PRKCE: variants seen among roughly 807,000 people sequenced by gnomAD.
The protein encoded by PRKCE is protein kinase C epsilon type.
PRKCE carries 16 observed loss-of-function variants against 85.4 expected under a neutral mutation model. The observed-to-expected ratio is 0.19, with a 90% CI of 0.13 to 0.28. PRKCE has a LOEUF of 0.28. PRKCE is among the 10% of genes least tolerant of loss of function. The pLI is 1.00. For synonymous variants in PRKCE, 388 were observed against 371.5 expected (o/e 1.04, Z -0.51); for missense variants, 573 against 975.2 (o/e 0.59, Z 5.49).
chr2:46,098,432 GTTA>G (rs1315593861), intron 11 of PRKCE, among the ~76,000 whole-genome samples: 3 of 152,152 alleles, frequency 2.0e-5, no homozygotes, highest in Non-Finnish European at 2.9e-5. Flanking sequence ...ATTAATTAAT[GTTA>G]TTATTATCAT....
At chr2:45,828,112 G>A (rs1443235242) in intron 1 of PRKCE, among the ~76,000 whole-genome samples, 1 of 152,216 alleles carries the variant, frequency 6.6e-6, no homozygotes, top group African/African-American at 2.4e-5. Context: ...CTGCTGTTAT[G>A]ACAGTTTGTT....
At chr2:45,781,730 T>C (rs1686207265) in intron 1 of PRKCE, among the ~76,000 whole-genome samples, 1 of 152,228 alleles carries the variant, frequency 6.6e-6, no homozygotes, top group African/African-American at 2.4e-5. Context: ...ATATTTGCTT[T>C]TCTTTAGGCT....
At chr2:46,123,633 C>G (rs563925039) in intron 11 of PRKCE, among the ~76,000 whole-genome samples, 1 of 152,282 alleles carries the variant, frequency 6.6e-6, no homozygotes, top group East Asian at 1.9e-4. Flanking sequence ...GAACTACAGG[C>G]GTGCACCACC....
At chr2:46,100,507 G>T (rs988811477) in intron 11 of PRKCE, among the ~76,000 whole-genome samples, 2 of 152,208 alleles carry the variant, frequency 1.3e-5, no homozygotes, top group African/African-American at 4.8e-5. Context: ...TTGCTCAGAA[G>T]TCCTAGTCCT....
intron 1 of PRKCE, among the ~76,000 whole-genome samples, chr2:45,722,101 A>G (rs1680674882): frequency 6.6e-6 from 1 of 152,174 alleles, no homozygotes; most frequent in Non-Finnish European, 1.5e-5. Context: ...TTACTTAATT[A>G]AAAAATAAGC....
At position 46,007,485 on chromosome 2, in the gene PRKCE, A is replaced by T; in HGVS notation, c.1087A>T (p.Ile363Phe). ...AGAAATAAAAGAACTTGAGAACAAC[A>T]TTCGGAAAGCCTTGTCATTTGACAA... ...DQEIKELENNIRKALSFDNRG... is the reference protein window; with the variant it reads ...DQEIKELENNFRKALSFDNRG... The change falls in exon 9 of 15, where the codon ATT becomes TTT. Residue 363 changes from isoleucine to phenylalanine, a missense_variant. By Grantham distance (21) the Ile-to-Phe change is conservative. This residue lies in a region of PRKCE where 117 missense variants were observed against 104.8 expected (regional missense o/e 1.12). Transcript: ENST00000306156. 3 of 1,599,812 alleles carry T rather than the reference A, an allele frequency of 1.9e-6. No homozygotes were observed. The highest frequency in any genetic ancestry group is 2.5e-6 in the Non-Finnish European group (3 of 1,179,970).
chr2:45,684,685 T>A (rs938783721), intron 1 of PRKCE, among the ~76,000 whole-genome samples: 1 of 152,202 alleles, frequency 6.6e-6, no homozygotes, highest in African/African-American at 2.4e-5. Flanking sequence ...GGGGGCAAGT[T>A]GGGACTGCAC....
intron 2 of PRKCE, among the ~76,000 whole-genome samples, chr2:45,906,172 C>G (rs1191612934): frequency 2.0e-5 from 3 of 152,246 alleles, no homozygotes. Context: ...TTGCTAAGAC[C>G]TAGGTGAAGA....
intron 10 of PRKCE, among the ~76,000 whole-genome samples, chr2:46,013,212 C>A (rs1705832953): frequency 1.3e-5 from 2 of 152,206 alleles, no homozygotes; most frequent in Admixed American, 1.3e-4. Flanking sequence ...ATGTGACTTT[C>A]CCTATGACAA....
intron 1 of PRKCE, among the ~76,000 whole-genome samples, chr2:45,729,428 A>G (rs1420799208): frequency 6.6e-6 from 1 of 152,104 alleles, no homozygotes; most frequent in African/African-American, 2.4e-5. Flanking sequence ...GCCAGTGTAG[A>G]TGTGATATCA....
intron 10 of PRKCE, among the ~76,000 whole-genome samples, chr2:46,081,892 T>A (rs1222244110): frequency 6.6e-6 from 1 of 152,094 alleles, no homozygotes; most frequent in Non-Finnish European, 1.5e-5. Context: ...AGTCAGGAGT[T>A]TGAGACCAGC....
At chr2:45,691,848 A>G (rs1677753894) in intron 1 of PRKCE, among the ~76,000 whole-genome samples, 1 of 152,192 alleles carries the variant, frequency 6.6e-6, no homozygotes, top group Non-Finnish European at 1.5e-5. Context: ...CTTTGCCAGC[A>G]TTTCCATGAG....
rs1675522139 is a variant in PRKCE, at chr2:46,141,454, C to A, written c.1593-3639C>A. Among the ~76,000 whole-genome samples, 5 of 152,170 alleles carry A rather than the reference C, an allele frequency of 3.3e-5. No homozygotes were observed. The South Asian group carries it at 8.3e-4, about 25-fold the overall frequency. ...TATGTAAAGTATGATCAAGAGAATA[C>A]ACAGGGCATGAATAAAAAGAAATCG... On this transcript the variant is annotated intron_variant, in intron 11 of 14. Transcript: ENST00000306156.
At chr2:45,815,238 A>C (rs1688946591) in intron 1 of PRKCE, among the ~76,000 whole-genome samples, 1 of 152,190 alleles carries the variant, frequency 6.6e-6, no homozygotes, top group African/African-American at 2.4e-5. Flanking sequence ...AGGGTCAAGA[A>C]AATAATTTTT....
At chr2:46,130,021 C>A (rs924678351) in intron 11 of PRKCE, among the ~76,000 whole-genome samples, 1 of 152,132 alleles carries the variant, frequency 6.6e-6, no homozygotes, top group Non-Finnish European at 1.5e-5. Context: ...GTTTAATTAA[C>A]CTCCCTTAGG....
chr2:46,053,954 G>A (rs753810037), intron 10 of PRKCE, among the ~76,000 whole-genome samples: 50 of 152,078 alleles, frequency 3.3e-4, no homozygotes, highest in African/African-American at 6.5e-4. Flanking sequence ...GTTTTCCACC[G>A]CAGCTGTACC....
In PRKCE at chr2:45,878,213, C is replaced by A. The variant is rs553478097; in HGVS notation, c.412+35150C>A. Among the ~76,000 whole-genome samples the A allele has an allele frequency of 1.3e-5, 2 of 152,360 alleles. 1 individual carries two copies. The highest frequency in any genetic ancestry group is 4.8e-5 in the African/African-American group (2 of 41,588). ...CTGGTGTTTCGGTAACACCTTGTTT[C>A]CTTGTAGACTTGGTTGTCTTTGGAC... is the stretch of plus-strand genomic sequence containing the variant. On this transcript the variant is annotated intron_variant, in intron 2 of 14. Transcript: ENST00000306156.
chr2:46,070,949 G>C (rs1668037535), intron 10 of PRKCE, among the ~76,000 whole-genome samples: 1 of 152,194 alleles, frequency 6.6e-6, no homozygotes, highest in South Asian at 2.1e-4. Context: ...CTCTTTACTT[G>C]TTAATTATGT....
chr2:45,829,359 G>C (rs1368501385), intron 1 of PRKCE, among the ~76,000 whole-genome samples: 1 of 152,118 alleles, frequency 6.6e-6, no homozygotes, highest in Admixed American at 6.5e-5. Flanking sequence ...GACATATTTT[G>C]GAGCTTCTAT....
Sources: allele counts gnomAD v4.1 joint callset (sites outside exome capture counted in the v4.1 genomes callset), GRCh38; gene constraint gnomAD v4.1.1; regional missense constraint gnomAD v4.1.1; transcripts MANE v1.5; gene names NCBI Gene and HGNC (gene_info 2026-07-23, HGNC 2026-07-21).